The following FLT1 variants were observed in gnomAD, a reference collection of about 807,000 sequenced individuals.
FLT1 encodes vascular endothelial growth factor receptor 1.
In FLT1, 49 loss-of-function variants were observed where a neutral mutation model predicts 156.3. That is an observed-to-expected ratio of 0.31 (90% confidence interval 0.25 to 0.40). The LOEUF (loss-of-function observed/expected upper bound fraction) is 0.40. FLT1 is among the 10% of genes least tolerant of loss of function. The pLI is 1.00. For missense variants in FLT1, 1,322 were observed against 1,637.2 expected (o/e 0.81, Z 3.32); for synonymous variants, 594 against 583.8 (o/e 1.02, Z -0.25).
chr13:28,387,835 A>G, intron 13 of FLT1: 1 of 1,034,246 alleles, frequency 9.7e-7, no homozygotes, highest in Non-Finnish European at 1.2e-6. Flanking sequence ...ACTCTCCGGA[A>G]GGATTAATTA....
In FLT1 at chr13:28,412,965, G is replaced by C. The variant is rs573466569; in HGVS notation, c.1437-7071C>G. Among the ~76,000 whole-genome samples, 3 of 152,218 alleles carry C rather than the reference G, an allele frequency of 2.0e-5. No individual in the cohort carries two copies. In the East Asian group the frequency reaches 5.8e-4, roughly 29 times the overall value. On this transcript the variant is annotated intron_variant, in intron 10 of 29. Transcript: ENST00000282397. The stretch of plus-strand genomic sequence containing the variant: ...AGACAGAATGGTTCCTGCTCCTCTT[G>C]CTCCAGGAAAAGGGCCTGGGCCTTC...
At chr13:28,435,076 A>T (rs8001784) in intron 4 of FLT1, among the ~76,000 whole-genome samples, 3 of 152,006 alleles carry the variant, frequency 2.0e-5, no homozygotes, top group Non-Finnish European at 4.4e-5. Context: ...ACATTAACTC[A>T]GCACTCACTG....
intron 14 of FLT1, among the ~76,000 whole-genome samples, chr13:28,371,169 G>T (rs899802276): frequency 9.2e-5 from 14 of 152,048 alleles, no homozygotes; most frequent in Admixed American, 8.5e-4. Context: ...GAAATGCTGG[G>T]TTTCCCATAT....
intron 1 of FLT1, among the ~76,000 whole-genome samples, chr13:28,470,495 T>C (rs967817177): frequency 4.6e-5 from 7 of 152,230 alleles, no homozygotes; most frequent in African/African-American, 7.2e-5. Context: ...TGTCTGGAGA[T>C]GCTGAGCGCT....
At chr13:28,308,431 CA>C in intron 28 of FLT1, 1 of 289,936 alleles carries the variant, frequency 3.4e-6, no homozygotes, top group Non-Finnish European at 6.7e-6. Context: ...GGGAAAGGAG[CA>C]TAAGGCTTAG....
intron 14 of FLT1, among the ~76,000 whole-genome samples, chr13:28,378,642 C>T (rs779609120): frequency 5.3e-5 from 8 of 152,106 alleles, no homozygotes; most frequent in South Asian, 4.1e-4. Flanking sequence ...GTCTGTAAAA[C>T]GGTCAGAATC....
At chr13:28,455,810 GT>G (rs1879230067) in intron 3 of FLT1, among the ~76,000 whole-genome samples, 1 of 152,202 alleles carries the variant, frequency 6.6e-6, no homozygotes, top group East Asian at 1.9e-4. Context: ...AAACAACTCT[GT>G]TTAAAATGGG....
intron 10 of FLT1, among the ~76,000 whole-genome samples, chr13:28,415,233 A>G (rs1876576025): frequency 6.6e-6 from 1 of 152,104 alleles, no homozygotes. Context: ...TAATCCCAGC[A>G]CTTTGGGAGG....
intron 14 of FLT1, among the ~76,000 whole-genome samples, chr13:28,379,705 C>T (rs1873994662): frequency 6.6e-6 from 1 of 152,214 alleles, no homozygotes; most frequent in Non-Finnish European, 1.5e-5. Flanking sequence ...GTTCCAGGGC[C>T]TGCATGCTTA....
rs1252249021 is a variant in FLT1 at position 28,345,452 on chromosome 13, A to G, written c.2348T>C (p.Met783Thr). 6.2e-7 allele frequency: 1 copy of G among 1,600,930 alleles called. No individual in the cohort carries two copies. Among genetic ancestry groups the G allele is most frequent in the Admixed American group, 1.7e-5 (1 of 59,804 alleles). ...CATCACCTATGTTCTTACCCTTTTC[A>G]TTTTTCGGATAAAGAGGGTTAATAG... The part of the protein sequence containing the change: ...WLLLTLFIRK[M>T]KRSSSEIKTD... Residue 783 changes from methionine to threonine, a missense_variant, in exon 16 of 30, where the codon ATG becomes ACG. Physicochemically the swap from Met to Thr is moderately conservative, Grantham distance 81. This residue lies in a region of FLT1 where 991 missense variants were observed against 1,254.8 expected (regional missense o/e 0.79). Coordinates refer to ENST00000282397, the MANE Select transcript of FLT1 (RefSeq NM_002019.4).
intron 12 of FLT1, among the ~76,000 whole-genome samples, chr13:28,394,602 A>G (rs1462755196): frequency 6.6e-6 from 1 of 152,138 alleles, no homozygotes; most frequent in East Asian, 1.9e-4. Context: ...GGGAACAGTG[A>G]TTAATAAGGA....
At chr13:28,448,486 G>A (rs1421484655) in intron 3 of FLT1, among the ~76,000 whole-genome samples, 1 of 152,152 alleles carries the variant, frequency 6.6e-6, no homozygotes, top group Non-Finnish European at 1.5e-5. Flanking sequence ...AAAATATTAT[G>A]CTGAGTGAAA....
intron 10 of FLT1, among the ~76,000 whole-genome samples, chr13:28,419,487 G>A (rs200741197): frequency 6.6e-4 from 100 of 152,290 alleles, no homozygotes; most frequent in Non-Finnish European, 1.3e-3. Context: ...AATCTGAGAG[G>A]TTCTGCCAAT....
chr13:28,391,828 T>C (rs1470227274), intron 12 of FLT1, among the ~76,000 whole-genome samples: 2 of 152,194 alleles, frequency 1.3e-5, no homozygotes, highest in Non-Finnish European at 2.9e-5. Flanking sequence ...TAGTATCATT[T>C]TGGCCCAGTC....
chr13:28,490,938 C>T (rs959658624), intron 1 of FLT1, among the ~76,000 whole-genome samples: 2 of 152,198 alleles, frequency 1.3e-5, no homozygotes, highest in Non-Finnish European at 2.9e-5. Context: ...TTAACATTCA[C>T]GTGCCAAGAT....
intron 1 of FLT1, among the ~76,000 whole-genome samples, chr13:28,474,845 C>T (rs1024613714): frequency 5.3e-5 from 8 of 152,060 alleles, no homozygotes; most frequent in Admixed American, 4.6e-4. Context: ...ATTCTGGTCT[C>T]CTATAGTATG....
chr13:28,389,541 C>A, intron 13 of FLT1: 2 of 1,431,076 alleles, frequency 1.4e-6, no homozygotes, highest in South Asian at 3.1e-5. Context: ...GCCCCCTCGG[C>A]CTGAATGGGG....
chr13:28,393,866 C>T (rs540703835), intron 12 of FLT1, among the ~76,000 whole-genome samples: 4 of 152,236 alleles, frequency 2.6e-5, no homozygotes, highest in Admixed American at 6.5e-5. Flanking sequence ...GGATGACAGG[C>T]GTGAGCCATT....
intron 10 of FLT1, among the ~76,000 whole-genome samples, chr13:28,411,600 T>A (rs1876193064): frequency 6.7e-6 from 1 of 148,842 alleles, no homozygotes; most frequent in Admixed American, 6.7e-5. Flanking sequence ...CCAATATTTA[T>A]CACAATTTTT....
Sources: allele counts gnomAD v4.1 joint callset (sites outside exome capture counted in the v4.1 genomes callset), GRCh38; gene constraint gnomAD v4.1.1; regional missense constraint gnomAD v4.1.1; transcripts MANE v1.5; gene names NCBI Gene and HGNC (gene_info 2026-07-23, HGNC 2026-07-21).